Variants in OPCML observed in about 807,000 individuals in gnomAD.
OPCML encodes opioid binding protein/cell adhesion molecule like.
In OPCML, 13 loss-of-function variants were observed where a neutral mutation model predicts 37.8. That is an observed-to-expected ratio of 0.34 (90% CI 0.22 to 0.55). The LOEUF (loss-of-function observed/expected upper bound fraction) is 0.55, where lower values mean the gene tolerates loss of function less well. Ranked by LOEUF, OPCML falls within the 20% of genes least tolerant of loss-of-function variation. OPCML has a pLI of 0.91. For missense variants in OPCML, 341 were observed against 435.6 expected (o/e 0.78, Z 1.93); for synonymous variants, 176 against 168.8 (o/e 1.04, Z -0.33).
Position 132,670,543 on chromosome 11 carries a change from T to TGTC in OPCML, c.147-13227_147-13225dup, listed in dbSNP as rs199606738. On this transcript the variant is annotated intron_variant, in intron 2 of 7. Coordinates refer to ENST00000524381, the MANE Select transcript of OPCML (RefSeq NM_001012393.5). ...ACTGAAAATTGATTTGCTTTTATTC[T>TGTC]GTCCATAAAATTTCTGTGTAGCATA... Among the ~76,000 whole-genome samples the TGTC allele has an allele frequency of 7.8e-3, 1,186 of 152,310 alleles. 20 individuals are homozygous for TGTC. Among genetic ancestry groups the TGTC allele is most frequent in the African/African-American group, 0.027 (1,134 of 41,564 alleles).
rs576668267 is a variant in OPCML, at chr11:132,556,288, C to G, written c.380-27102G>C. On this transcript the variant is annotated intron_variant, in intron 3 of 7. Transcript: ENST00000524381. Reference sequence around the variant, plus strand: ...GTAAGGGAACCAGAACATATTAATTCTAAGATGAACTTAAGATCATTTATA... The same window carrying G: ...GTAAGGGAACCAGAACATATTAATTGTAAGATGAACTTAAGATCATTTATA... Among the ~76,000 whole-genome samples the G allele has an allele frequency of 2.0e-5, 3 of 152,226 alleles. No individual in the cohort carries two copies. The South Asian group carries it at 6.2e-4, about 32-fold the overall frequency.
At chr11:132,672,822 T>G (rs1942532339) in intron 2 of OPCML, among the ~76,000 whole-genome samples, 1 of 152,174 alleles carries the variant, frequency 6.6e-6, no homozygotes, top group Admixed American at 6.5e-5. Context: ...TGCTTCCTAC[T>G]TGATTTCATT....
intron 3 of OPCML, among the ~76,000 whole-genome samples, chr11:132,632,045 T>G (rs1940166556): frequency 1.3e-5 from 2 of 151,826 alleles, no homozygotes. Flanking sequence ...GTGGCAGCCA[T>G]GCTGATCAGG....
chr11:132,783,824 C>A (rs931596460), intron 2 of OPCML, among the ~76,000 whole-genome samples: 3 of 152,108 alleles, frequency 2.0e-5, no homozygotes, highest in Admixed American at 2.0e-4. Flanking sequence ...AAACATCATG[C>A]ATTAAAACAA....
In OPCML at chr11:132,911,133, T is replaced by C. The variant is rs572418657; in HGVS notation, c.146+31793A>G. 1.2e-4 allele frequency among the ~76,000 whole-genome samples: 19 copies of C among 152,344 alleles called. 1 individual carries two copies. The South Asian group carries it at 3.9e-3, about 32-fold the overall frequency. On this transcript the variant is annotated intron_variant, in intron 2 of 7. Coordinates refer to ENST00000524381, the MANE Select transcript of OPCML (RefSeq NM_001012393.5). ...ATTCACCCCAATTCTCTTCTACCAG[T>C]CCTTGCAAAAGTCTGCGTGTAAACA...
At chr11:132,873,605 G>A (rs918914491) in intron 2 of OPCML, among the ~76,000 whole-genome samples, 1 of 150,856 alleles carries the variant, frequency 6.6e-6, no homozygotes, top group Non-Finnish European at 1.5e-5. Context: ...GGAGAGGAAA[G>A]ACAACAGAAG....
chr11:132,749,592 T>C (rs1400744562), intron 2 of OPCML, among the ~76,000 whole-genome samples: 1 of 152,146 alleles, frequency 6.6e-6, no homozygotes, highest in Non-Finnish European at 1.5e-5. Flanking sequence ...CAGGGCTAAA[T>C]GTATATTTGT....
At chr11:132,847,073 G>A (rs1285024527) in intron 2 of OPCML, among the ~76,000 whole-genome samples, 1 of 152,116 alleles carries the variant, frequency 6.6e-6, no homozygotes, top group East Asian at 1.9e-4. Context: ...GATACATCTT[G>A]GAGAGTTTGC....
intron 1 of OPCML, among the ~76,000 whole-genome samples, chr11:133,438,898 C>CACAT (rs977569103): frequency 5.3e-5 from 8 of 152,158 alleles, no homozygotes; most frequent in Non-Finnish European, 7.4e-5. Context: ...GGTTGGTGAA[C>CACAT]ACATCAAGGG....
At chr11:133,375,498 G>A (rs557538521) in intron 1 of OPCML, among the ~76,000 whole-genome samples, 5 of 152,238 alleles carry the variant, frequency 3.3e-5, no homozygotes, top group African/African-American at 9.6e-5. Flanking sequence ...GCTACTTCTA[G>A]TAATGACTTG....
At chr11:132,448,834 CAGTA>C (rs1429682643) in intron 4 of OPCML, among the ~76,000 whole-genome samples, 1 of 152,184 alleles carries the variant, frequency 6.6e-6, no homozygotes, top group Non-Finnish European at 1.5e-5. Flanking sequence ...TGTGATTTTT[CAGTA>C]AGTGTTTTCA....
chr11:132,447,351 T>A (rs1194537475), intron 4 of OPCML, among the ~76,000 whole-genome samples: 1 of 152,122 alleles, frequency 6.6e-6, no homozygotes, highest in Non-Finnish European at 1.5e-5. Context: ...CAGACAGGAG[T>A]GCAGTGGCGC....
At chr11:132,475,949 C>A (rs909385789) in intron 4 of OPCML, among the ~76,000 whole-genome samples, 1 of 152,118 alleles carries the variant, frequency 6.6e-6, no homozygotes, top group East Asian at 1.9e-4. Flanking sequence ...TGCAAGTAAC[C>A]TAACCTCTTT....
intron 1 of OPCML, among the ~76,000 whole-genome samples, chr11:133,476,424 A>C (rs1213938261): frequency 6.6e-6 from 1 of 151,380 alleles, no homozygotes; most frequent in Non-Finnish European, 1.5e-5. Flanking sequence ...AATGAACTTC[A>C]TAGGAGAAAT....
chr11:132,642,294 TTG>T (rs1267408456), intron 3 of OPCML, among the ~76,000 whole-genome samples: 1 of 152,128 alleles, frequency 6.6e-6, no homozygotes, highest in Non-Finnish European at 1.5e-5. Context: ...ATGAGTACAA[TTG>T]TGTGTGTGTG....
intron 1 of OPCML, among the ~76,000 whole-genome samples, chr11:133,252,715 G>T (rs919899851): frequency 6.6e-6 from 1 of 152,100 alleles, no homozygotes; most frequent in Admixed American, 6.5e-5. Flanking sequence ...ACAGCCACTC[G>T]GGCTTTTTTT....
At chr11:133,199,465 A>T (rs1305868939) in intron 1 of OPCML, among the ~76,000 whole-genome samples, 1 of 152,170 alleles carries the variant, frequency 6.6e-6, no homozygotes, top group African/African-American at 2.4e-5. Context: ...TCGCCTAGTG[A>T]TGGAAATCCA....
intron 1 of OPCML, among the ~76,000 whole-genome samples, chr11:133,043,856 AGG>A (rs1030490666): frequency 6.6e-6 from 1 of 152,230 alleles, no homozygotes; most frequent in African/African-American, 2.4e-5. Flanking sequence ...TATATCCAAG[AGG>A]GAATTCATCT....
At chr11:133,315,796 C>T (rs1386550221) in intron 1 of OPCML, among the ~76,000 whole-genome samples, 2 of 152,016 alleles carry the variant, frequency 1.3e-5, no homozygotes, top group Non-Finnish European at 2.9e-5. Context: ...AAAACTCCAT[C>T]CCAGGGAAAA....
Sources: gnomAD v4.1 joint callset for allele counts (sites outside exome capture counted in the v4.1 genomes callset) on GRCh38, gnomAD v4.1.1 for gene constraint, MANE v1.5 for transcripts, NCBI Gene and HGNC (gene_info 2026-07-23, HGNC 2026-07-21) for gene names.